Variants in ZNF337 observed in about 807,000 individuals in gnomAD.
ZNF337 encodes zinc finger protein 337.
A neutral mutation model predicts 12.1 loss-of-function variants in ZNF337; 8 were observed. The observed-to-expected ratio is 0.66, with a 90% CI of 0.39 to 1.19. The LOEUF is 1.19. Ranked by LOEUF, ZNF337 falls within the 50% of genes most tolerant of loss-of-function variation. ZNF337 has a pLI of 0.01. For missense variants in ZNF337, 882 were observed against 896.6 expected (o/e 0.98, Z 0.21); for synonymous variants, 336 against 320.0 (o/e 1.05, Z -0.53).
In ZNF337 at chr20:25,696,837, G is replaced by A. The variant is rs1359097289; in HGVS notation, c.-128C>T. On this transcript the variant is annotated 5_prime_UTR_variant, in exon 1 of 5. Transcript: ENST00000252979. ...ATCTCACGGCTCGCTGACGCCCAGG[G>A]ATCTGGAACGCTCTGCGCCGCCCGG... 4.1e-6 allele frequency: 4 copies of A among 985,308 alleles called. No individual in the cohort carries two copies. The highest frequency in any genetic ancestry group is 4.7e-5 in the South Asian group (1 of 21,288). The allele number at this position is 985,308 out of a possible 1,614,324, so 61.0% of individuals were successfully genotyped here.
In ZNF337 at chr20:25,675,355, TGAG is replaced by T. The variant is rs755177493; in HGVS notation, c.1930_1932del (p.Leu644del). 244 of 1,613,354 alleles carry T rather than the reference TGAG, an allele frequency of 1.5e-4. 2 individuals carry two copies. Among genetic ancestry groups the T allele is most frequent in the South Asian group, 6.8e-4 (62 of 91,026 alleles). On this transcript the variant is annotated inframe_deletion, in exon 5 of 5. Coordinates refer to ENST00000252979, the MANE Select transcript of ZNF337 (RefSeq NM_015655.4). ...TCCCCTGAGTGTGTCCTCTGGTGTG[TGAG>T]GAGATTTCCCTTCCAGTTGAAGCCT...
chr20:25,696,087 T>A (rs1469080479), intron 1 of ZNF337, among the ~76,000 whole-genome samples: 39 of 52,102 alleles, frequency 7.5e-4, no homozygotes, highest in Admixed American at 1.7e-3. Flanking sequence ...CCCACGCAGA[T>A]CCCCCCCCCC....
intron 1 of ZNF337, among the ~76,000 whole-genome samples, chr20:25,696,027 GAA>G: frequency 6.7e-6 from 1 of 150,034 alleles, no homozygotes. Context: ...AGGCCCCAGG[GAA>G]GAGGCCACCT....
At chr20:25,693,452 T>G (rs1569017959) in intron 1 of ZNF337, among the ~76,000 whole-genome samples, 1 of 152,138 alleles carries the variant, frequency 6.6e-6, no homozygotes. Context: ...AACTTCCACA[T>G]TGGTTGAAGA....
chr20:25,678,686 C>G (rs6107063), intron 4 of ZNF337, among the ~76,000 whole-genome samples: 7 of 152,122 alleles, frequency 4.6e-5, no homozygotes, highest in Non-Finnish European at 1.0e-4. Context: ...TGGCTCACAC[C>G]TGTAATCCCA....
chr20:25,679,020 A>G (rs918071838), intron 4 of ZNF337, among the ~76,000 whole-genome samples: 7 of 152,236 alleles, frequency 4.6e-5, no homozygotes, highest in African/African-American at 1.7e-4. Flanking sequence ...CCATATATTT[A>G]TAGCCAACTG....
intron 1 of ZNF337, among the ~76,000 whole-genome samples, chr20:25,695,275 CA>C (rs2065911894): frequency 7.0e-6 from 1 of 143,422 alleles, no homozygotes; most frequent in Non-Finnish European, 1.5e-5. Context: ...TCTCTAAAAA[CA>C]AAAACAAAAA....
At chr20:25,684,238 GAT>G in intron 4 of ZNF337, among the ~76,000 whole-genome samples, 2 of 150,600 alleles carry the variant, frequency 1.3e-5, no homozygotes, top group South Asian at 4.3e-4. Context: ...AGCACTAGGA[GAT>G]ATACCTAATG....
Position 25,685,572 on chromosome 20 carries a change from CAG to C in ZNF337, c.243_244del (p.Ala83ArgfsTer27). ...TGCCCTGTCTATCCCCTCACCTGCA[CAG>C]GGGCCTGGCCGGCGTCTTCTCTCTT... On this transcript the variant is annotated frameshift_variant, in exon 4 of 5. Coordinates refer to ENST00000252979, the MANE Select transcript of ZNF337 (RefSeq NM_015655.4). LOFTEE classifies it low-confidence loss of function (END_TRUNC). 6.2e-7 allele frequency: 1 copy of C among 1,614,066 alleles called. No homozygotes were observed. The highest frequency in any genetic ancestry group is 8.5e-7 in the Non-Finnish European group (1 of 1,179,902).
chr20:25,676,894 AT>A lies in ZNF337; in HGVS notation c.393del (p.Ser133ProfsTer5). The A allele has an allele frequency of 6.2e-7, 1 of 1,614,088 alleles. No homozygotes were observed. The highest frequency in any genetic ancestry group is 8.5e-7 in the Non-Finnish European group (1 of 1,180,028). ...GCATGTCTTAGGGGTGGGCTGGAAA[AT>A]GCCATGGGCTTAGTGCTTTTTTCTT... Reference protein sequence around the residue: ...QEKEKSTKPMAFSSPPLRHAV... With the variant: ...QEKEKSTKPMXFSSPPLRHAV... On this transcript the variant is annotated frameshift_variant, in exon 5 of 5. Transcript: ENST00000252979. LOFTEE classifies it low-confidence loss of function (END_TRUNC).
intron 1 of ZNF337, among the ~76,000 whole-genome samples, chr20:25,694,501 A>G (rs1440701091): frequency 1.3e-5 from 2 of 152,082 alleles, no homozygotes; most frequent in Non-Finnish European, 2.9e-5. Context: ...TTTTTCCATA[A>G]TGAAATGATT....
intron 1 of ZNF337, among the ~76,000 whole-genome samples, chr20:25,688,642 C>G (rs952228359): frequency 1.2e-4 from 19 of 152,134 alleles, no homozygotes; most frequent in African/African-American, 4.6e-4. Flanking sequence ...GAAATGTTAT[C>G]AAGTATTTTT....
At chr20:25,681,200 T>C (rs1478377368) in intron 4 of ZNF337, 3 of 152,266 alleles carry the variant, frequency 2.0e-5, no homozygotes, top group African/African-American at 7.2e-5. Flanking sequence ...CATCTTGGAA[T>C]TCCCAGATTC....
At chr20:25,691,812 G>A (rs1368734906) in intron 1 of ZNF337, among the ~76,000 whole-genome samples, 1 of 152,122 alleles carries the variant, frequency 6.6e-6, no homozygotes, top group Non-Finnish European at 1.5e-5. Context: ...TAGTTTAAAT[G>A]GTTGTTTTTG....
Position 25,675,905 on chromosome 20 carries a change from C to A in ZNF337, c.1383G>T (p.Val461=). 6.2e-7 allele frequency: 1 copy of A among 1,613,470 alleles called. No homozygotes were observed. The highest frequency in any genetic ancestry group is 8.5e-7 in the Non-Finnish European group (1 of 1,179,850). The change falls in exon 5 of 5, where the codon GTG becomes GTT. Residue 461 remains valine (V), a synonymous_variant. Coordinates refer to ENST00000252979, the MANE Select transcript of ZNF337 (RefSeq NM_015655.4). The part of the protein sequence containing the change: ...QITHSEEKPF[V]CKDCGRGFIQ... ...TAAAGCCTCGTCCACAGTCCTTGCA[C>A]ACAAAAGGCTTCTCCTCTGAGTGTG... is the stretch of plus-strand genomic sequence containing the variant.
Position 25,685,552 on chromosome 20 carries a change from T to G in ZNF337, c.250+15A>C. The G allele has an allele frequency of 6.2e-7, 1 of 1,609,260 alleles. No individual in the cohort carries two copies. The highest frequency in any genetic ancestry group is 8.5e-7 in the Non-Finnish European group (1 of 1,175,758). The stretch of plus-strand genomic sequence containing the variant: ...GGAGTGCCTTGTGCTCTGTCTGCCC[T>G]GTCTATCCCCTCACCTGCACAGGGG... On this transcript the variant is annotated intron_variant, in intron 4 of 4. Coordinates refer to ENST00000252979, the MANE Select transcript of ZNF337 (RefSeq NM_015655.4).
Position 25,676,942 on chromosome 20 carries a change from C to G in ZNF337, c.346G>C (p.Asp116His). The change falls in exon 5 of 5, where the codon GAC (aspartate) becomes CAC (histidine). Residue 116 changes from aspartate (D) to histidine (H), a missense_variant. Transcript: ENST00000252979. ...TCTTTCTCTTGACCTTCAGCTGTGT[C>G]ACTCTGGAAGCTTTGATCAGAAAAT... Reference protein sequence around the residue: ...LQFSDQSFQSDTAEGQEKEKS... With the variant: ...LQFSDQSFQSHTAEGQEKEKS... 1 of 1,614,142 alleles carries G rather than the reference C, an allele frequency of 6.2e-7. No homozygotes were observed. Among genetic ancestry groups the G allele is most frequent in the Middle Eastern group, 1.7e-4 (1 of 6,060 alleles).
intron 1 of ZNF337, among the ~76,000 whole-genome samples, chr20:25,687,329 GA>G (rs932264210): frequency 1.3e-5 from 2 of 151,840 alleles, no homozygotes; most frequent in East Asian, 1.9e-4. Flanking sequence ...CGAATTTTTT[GA>G]AAAAAATTCC....
chr20:25,696,471 G>C (rs1203663161), intron 1 of ZNF337, among the ~76,000 whole-genome samples: 1 of 152,174 alleles, frequency 6.6e-6, no homozygotes, highest in African/African-American at 2.4e-5. Context: ...GGGTTGCTCG[G>C]CGCCCCTGTG....
Sources: gnomAD v4.1 joint callset for allele counts (sites outside exome capture counted in the v4.1 genomes callset) on GRCh38, gnomAD v4.1.1 for gene constraint, MANE v1.5 for transcripts, NCBI Gene and HGNC (gene_info 2026-07-23, HGNC 2026-07-21) for gene names.